Variants in CTNNA2 observed in about 807,000 individuals in gnomAD.
The protein encoded by CTNNA2 is catenin alpha 2.
CTNNA2 carries 42 observed loss-of-function variants against 101.0 expected under a neutral mutation model. The ratio of observed to expected loss-of-function variants is 0.42; its 90% confidence interval spans 0.32 to 0.54. CTNNA2 has a LOEUF of 0.54. CTNNA2 is among the 20% of genes least tolerant of loss of function. CTNNA2 has a pLI of 0.14. For missense variants in CTNNA2, 871 were observed against 1,223.1 expected (o/e 0.71, Z 4.29); for synonymous variants, 450 against 456.4 (o/e 0.99, Z 0.18).
At chr2:79,683,400 T>G in intron 2 of CTNNA2, among the ~76,000 whole-genome samples, 1 of 152,342 alleles carries the variant, frequency 6.6e-6, no homozygotes. Context: ...TCAATTTCCC[T>G]GAAGAAGTCC....
chr2:80,579,762 C>T (rs62151960), intron 13 of CTNNA2, among the ~76,000 whole-genome samples: 5,199 of 152,248 alleles, frequency 0.034, 116 homozygotes, highest in African/African-American at 0.053. Context: ...GCTATTGGCA[C>T]GAAGGACCCC....
At chr2:80,225,294 T>C (rs1166614619) in intron 7 of CTNNA2, among the ~76,000 whole-genome samples, 1 of 152,202 alleles carries the variant, frequency 6.6e-6, no homozygotes, top group Admixed American at 6.5e-5. Context: ...TCAACTTTGT[T>C]TCTTTTAATC....
At chr2:80,556,526 T>C (rs1205583488) in intron 12 of CTNNA2, among the ~76,000 whole-genome samples, 1 of 152,184 alleles carries the variant, frequency 6.6e-6, no homozygotes, top group Non-Finnish European at 1.5e-5. Flanking sequence ...CAGGACTCAC[T>C]GCTATGGTCA....
intron 2 of CTNNA2, among the ~76,000 whole-genome samples, chr2:79,246,226 G>T (rs951499369): frequency 6.6e-6 from 1 of 152,160 alleles, no homozygotes; most frequent in African/African-American, 2.4e-5. Flanking sequence ...GTATGGACAA[G>T]ACGGTCTCTC....
At chr2:79,805,461 A>C (rs1676496192) in intron 3 of CTNNA2, among the ~76,000 whole-genome samples, 1 of 152,174 alleles carries the variant, frequency 6.6e-6, no homozygotes. Context: ...CACATGTGGC[A>C]TTTTTATTAG....
At chr2:80,340,882 G>C (rs1035748195) in intron 7 of CTNNA2, among the ~76,000 whole-genome samples, 1 of 152,110 alleles carries the variant, frequency 6.6e-6, no homozygotes, top group African/African-American at 2.4e-5. Context: ...ACTTCTGACC[G>C]ACTGTCTATA....
intron 9 of CTNNA2, among the ~76,000 whole-genome samples, chr2:80,519,724 A>G (rs2149570893): frequency 6.6e-6 from 1 of 152,334 alleles, no homozygotes; most frequent in African/African-American, 2.4e-5. Context: ...GTAGAGGACA[A>G]CTACATGCTA....
intron 4 of CTNNA2, among the ~76,000 whole-genome samples, chr2:79,455,574 G>T (rs1359889291): frequency 6.6e-6 from 1 of 152,070 alleles, no homozygotes; most frequent in East Asian, 1.9e-4. Context: ...CCTTGTTGTT[G>T]TCTATTACCT....
chr2:79,654,808 C>T (rs1013502690), intron 2 of CTNNA2, among the ~76,000 whole-genome samples: 15 of 152,146 alleles, frequency 9.9e-5, no homozygotes, highest in African/African-American at 3.4e-4. Flanking sequence ...GCACCTAATA[C>T]TGATATGCTT....
intron 6 of CTNNA2, among the ~76,000 whole-genome samples, chr2:79,889,565 C>T (rs1684160716): frequency 6.6e-6 from 1 of 152,164 alleles, no homozygotes; most frequent in South Asian, 2.1e-4. Context: ...AATAACTCTT[C>T]CCTCTGTGCC....
chr2:80,222,104 C>G (rs941456512), intron 7 of CTNNA2, among the ~76,000 whole-genome samples: 3 of 152,136 alleles, frequency 2.0e-5, no homozygotes, highest in African/African-American at 7.2e-5. Flanking sequence ...AAGCCAAACA[C>G]AAGGGCATTT....
At chr2:79,990,371 G>A (rs1170834991) in intron 7 of CTNNA2, among the ~76,000 whole-genome samples, 2 of 152,108 alleles carry the variant, frequency 1.3e-5, no homozygotes, top group African/African-American at 4.8e-5. Flanking sequence ...GGTTTTCTGT[G>A]GCCCTACTGA....
intron 7 of CTNNA2, among the ~76,000 whole-genome samples, chr2:80,216,342 T>C (rs6712546): frequency 0.25 from 37,320 of 152,120 alleles, 7,440 homozygotes; most frequent in African/African-American, 0.55. Flanking sequence ...GCATCACTCA[T>C]GCTTGGAACT....
intron 9 of CTNNA2, among the ~76,000 whole-genome samples, chr2:80,539,792 C>T: frequency 6.6e-6 from 1 of 152,128 alleles, no homozygotes; most frequent in East Asian, 1.9e-4. Context: ...CGAGCTCTAC[C>T]ACCTATAGTC....
At chr2:79,644,845 T>A (rs1362894150) in intron 1 of CTNNA2, among the ~76,000 whole-genome samples, 1 of 152,206 alleles carries the variant, frequency 6.6e-6, no homozygotes, top group Non-Finnish European at 1.5e-5. Context: ...TTTGTGTCCT[T>A]ACCTCTATTG....
At chr2:80,260,054 A>G (rs1401557735) in intron 7 of CTNNA2, among the ~76,000 whole-genome samples, 1 of 152,212 alleles carries the variant, frequency 6.6e-6, no homozygotes, top group Non-Finnish European at 1.5e-5. Context: ...CGTCACAGTA[A>G]TCCAATGAGC....
chr2:80,573,182 A>C (rs1478753034), intron 12 of CTNNA2: 1 of 152,222 alleles, frequency 6.6e-6, no homozygotes, highest in East Asian at 1.9e-4. Flanking sequence ...TTCATTTACT[A>C]TACAAATTGA....
intron 2 of CTNNA2, among the ~76,000 whole-genome samples, chr2:79,676,304 C>T (rs755366796): frequency 6.6e-6 from 1 of 152,158 alleles, no homozygotes; most frequent in African/African-American, 2.4e-5. Flanking sequence ...TGAGTGCCAA[C>T]AGCATTAGAC....
chr2:79,732,546 T>C (rs1451376721), intron 2 of CTNNA2, among the ~76,000 whole-genome samples: 1 of 152,082 alleles, frequency 6.6e-6, no homozygotes, highest in African/African-American at 2.4e-5. Context: ...GTATGTGTTA[T>C]TTATTTTTCT....
Sources: allele counts gnomAD v4.1 joint callset (sites outside exome capture counted in the v4.1 genomes callset), GRCh38; gene constraint gnomAD v4.1.1; transcripts MANE v1.5; gene names NCBI Gene and HGNC (gene_info 2026-07-23, HGNC 2026-07-21).